The following CCDC85A variants were observed in gnomAD, a reference collection of about 807,000 sequenced individuals.
CCDC85A encodes the protein coiled-coil domain containing 85A, also known as coiled-coil domain-containing protein 85A.
CCDC85A carries 38 observed loss-of-function variants against 50.2 expected under a neutral mutation model. That is an observed-to-expected ratio of 0.76 (90% confidence interval 0.58 to 0.99). CCDC85A has a LOEUF of 0.99. Ranked by LOEUF, CCDC85A falls within the 50% of genes least tolerant of loss-of-function variation. CCDC85A has a pLI of 0.00. For missense variants in CCDC85A, 820 were observed against 742.0 expected (o/e 1.11, Z -1.22); for synonymous variants, 366 against 301.4 (o/e 1.21, Z -2.22).
intron 2 of CCDC85A, among the ~76,000 whole-genome samples, chr2:56,236,482 G>T (rs1669021032): frequency 6.6e-6 from 1 of 152,194 alleles, no homozygotes; most frequent in African/African-American, 2.4e-5. Flanking sequence ...AATAATGAAA[G>T]AGGAGATGAG....
intron 2 of CCDC85A, among the ~76,000 whole-genome samples, chr2:56,311,242 C>G (rs922871330): frequency 3.9e-5 from 6 of 152,100 alleles, no homozygotes; most frequent in Non-Finnish European, 5.9e-5. Context: ...TTTGGAGCAG[C>G]CTTCCTCTTC....
rs115610499 is a variant in CCDC85A, at chr2:56,194,192, T to C, written c.1240+752T>C. Among the ~76,000 whole-genome samples, 459 of 152,340 alleles carry C rather than the reference T, an allele frequency of 3.0e-3. 1 individual carries two copies. Among genetic ancestry groups the C allele is most frequent in the African/African-American group, 0.01 (436 of 41,578 alleles). On this transcript the variant is annotated intron_variant, in intron 2 of 5. Coordinates refer to ENST00000407595, the MANE Select transcript of CCDC85A (RefSeq NM_001080433.2). ...GTTGTTTGAAAGTACCTTTTTAAAA[T>C]GTACAGATGTGTTTGGACACTCTTT...
intron 2 of CCDC85A, among the ~76,000 whole-genome samples, chr2:56,203,584 T>C (rs531331785): frequency 6.6e-6 from 1 of 152,312 alleles, no homozygotes; most frequent in South Asian, 2.1e-4. Context: ...CAGCCAGGTA[T>C]ACAAAAGACA....
intron 2 of CCDC85A, among the ~76,000 whole-genome samples, chr2:56,268,286 T>G (rs879442233): frequency 4.7e-4 from 72 of 152,074 alleles, no homozygotes; most frequent in Admixed American, 2.3e-3. Context: ...AACAAAGTTT[T>G]GAAGGACCTT....
At chr2:56,326,029 G>A (rs1368704392) in intron 2 of CCDC85A, among the ~76,000 whole-genome samples, 1 of 152,122 alleles carries the variant, frequency 6.6e-6, no homozygotes, top group Non-Finnish European at 1.5e-5. Context: ...AAGGAAGAGG[G>A]TTTAAATCAA....
At chr2:56,218,769 G>A (rs1300302606) in intron 2 of CCDC85A, among the ~76,000 whole-genome samples, 1 of 151,592 alleles carries the variant, frequency 6.6e-6, no homozygotes, top group Non-Finnish European at 1.5e-5. Context: ...TTTTCCCTAT[G>A]GCACCAACTT....
chr2:56,342,980 G>C, intron 3 of CCDC85A, 25 bp downstream of exon 3: 1 of 1,464,608 alleles, frequency 6.8e-7, no homozygotes, highest in South Asian at 1.2e-5. Context: ...GAAGCTCATA[G>C]CTAGTCAGTG....
rs1285559473 is a variant in CCDC85A, at chr2:56,192,250, T to A, written c.277-227T>A. Among the ~76,000 whole-genome samples, 2 of 152,186 alleles carry A rather than the reference T, an allele frequency of 1.3e-5. No individual in the cohort carries two copies. Among genetic ancestry groups the A allele is most frequent in the Non-Finnish European group, 2.9e-5 (2 of 68,050 alleles). ...TATCCCCTAAATGTTTGGGTAAAAA[T>A]TAGATGACATAATGCAAGTAAAGTA... On this transcript the variant is annotated intron_variant, in intron 1 of 5. Transcript: ENST00000407595. The surrounding 1 kb of genome is among the most constrained non-coding windows in gnomAD (Gnocchi z 4.7).
chr2:56,203,264 G>T (rs1407168940), intron 2 of CCDC85A, among the ~76,000 whole-genome samples: 2 of 152,106 alleles, frequency 1.3e-5, no homozygotes, highest in Admixed American at 6.6e-5. Flanking sequence ...CGTTATCCAG[G>T]TGGTTTGCCA....
rs1406812565 is a variant in CCDC85A, at chr2:56,193,022, C to T, written c.822C>T (p.Leu274=). 6.2e-7 allele frequency: 1 copy of T among 1,613,778 alleles called. No individual in the cohort carries two copies. Among genetic ancestry groups the T allele is most frequent in the Non-Finnish European group, 8.5e-7 (1 of 1,179,850 alleles). ...GAACCCCAGATCGCCCCAAAGCACT[C>T]AAAGGACCTAGCCCGGAGCACCACA... ...ACGTPDRPKA[L]KGPSPEHHKP... Residue 274 remains leucine (L), a synonymous_variant, in exon 2 of 6, where the codon CTC becomes CTT. Transcript: ENST00000407595.
intron 1 of CCDC85A, among the ~76,000 whole-genome samples, chr2:56,189,646 C>G (rs1676214428): frequency 6.6e-6 from 1 of 152,024 alleles, no homozygotes; most frequent in African/African-American, 2.4e-5. Flanking sequence ...TCGGAGAGTA[C>G]ACTGTGTGAT....
At chr2:56,188,210 GAAGCTGGATCACAAGGTTATTATC>G (rs765123392) in intron 1 of CCDC85A, among the ~76,000 whole-genome samples, 2 of 152,220 alleles carry the variant, frequency 1.3e-5, no homozygotes, top group African/African-American at 2.4e-5. Flanking sequence ...CAGATTTGAA[GAAGCTGGATCACAAGGTTATTATC>G]AAGCTGGCTG....
intron 4 of CCDC85A, 105 bp from the exon 5 acceptor site, chr2:56,375,711 A>G (rs1676300630): frequency 8.1e-7 from 1 of 1,233,650 alleles, no homozygotes; most frequent in Non-Finnish European, 1.2e-6. Flanking sequence ...AAAAAGTAAC[A>G]AAATGGCTAA....
intron 2 of CCDC85A, among the ~76,000 whole-genome samples, chr2:56,203,944 C>A (rs1298745917): frequency 1.3e-5 from 2 of 152,070 alleles, no homozygotes; most frequent in African/African-American, 4.8e-5. Context: ...GCATGCCTAC[C>A]CAGCTGGAGT....
intron 2 of CCDC85A, among the ~76,000 whole-genome samples, chr2:56,225,519 G>C (rs1483485182): frequency 6.6e-6 from 1 of 152,138 alleles, no homozygotes; most frequent in African/African-American, 2.4e-5. Context: ...GCCAGTACCA[G>C]AGTGTCTTTA....
intron 2 of CCDC85A, among the ~76,000 whole-genome samples, chr2:56,231,024 A>C (rs1361320366): frequency 6.6e-6 from 1 of 152,144 alleles, no homozygotes; most frequent in Non-Finnish European, 1.5e-5. Flanking sequence ...TTAGTCTGGA[A>C]TATTTCCCTT....
intron 2 of CCDC85A, among the ~76,000 whole-genome samples, chr2:56,341,044 A>T (rs2104318612): frequency 6.6e-6 from 1 of 152,202 alleles, no homozygotes; most frequent in Admixed American, 6.5e-5. Context: ...TGTCCCTTCT[A>T]CACTGATTCT....
intron 1 of CCDC85A, 70 bp downstream of exon 1, chr2:56,184,970 A>C: frequency 7.0e-7 from 1 of 1,425,960 alleles, no homozygotes. Context: ...AGGCGGGGCC[A>C]GGCAAACTTT....
In CCDC85A at chr2:56,229,635, T is replaced by C. The variant is rs565295772; in HGVS notation, c.1240+36195T>C. 2.6e-5 allele frequency among the ~76,000 whole-genome samples: 4 copies of C among 152,270 alleles called. No homozygotes were observed. The East Asian group carries it at 5.8e-4, about 22-fold the overall frequency. ...TATCGTGGACCTCTGGTTTCTGCTG[T>C]AGGTGGCCATAATTTTTTTTTGTTT... On this transcript the variant is annotated intron_variant, in intron 2 of 5. Coordinates refer to ENST00000407595, the MANE Select transcript of CCDC85A (RefSeq NM_001080433.2).
Sources: gnomAD v4.1 joint callset for allele counts (sites outside exome capture counted in the v4.1 genomes callset) on GRCh38, gnomAD v4.1.1 for gene constraint, Gnocchi (gnomAD v3.1) non-coding constraint, MANE v1.5 for transcripts, NCBI Gene and HGNC (gene_info 2026-07-23, HGNC 2026-07-21) for gene names.